The following SLC39A11 variants were observed in gnomAD, a reference collection of about 807,000 sequenced individuals.
SLC39A11 encodes zinc transporter ZIP11.
Under a neutral mutation model 36.1 loss-of-function variants are expected in SLC39A11, and 33 were observed. The ratio of observed to expected loss-of-function variants is 0.91; its 90% CI spans 0.69 to 1.22. SLC39A11 has a LOEUF of 1.22. Ranked by LOEUF, SLC39A11 falls within the 50% of genes most tolerant of loss-of-function variation. The pLI, the probability that SLC39A11 is intolerant of heterozygous loss-of-function variation, is 0.00. For synonymous variants in SLC39A11, 166 were observed against 170.3 expected, an observed-to-expected ratio of 0.97 and a Z score of 0.20; for missense variants, 432 against 430.3, an observed-to-expected ratio of 1.00 and a Z score of -0.03.
intron 6 of SLC39A11, among the ~76,000 whole-genome samples, chr17:72,750,788 GA>G (rs11315545): frequency 0.37 from 54,465 of 148,944 alleles, 11,851 homozygotes; most frequent in Non-Finnish European, 0.5. Flanking sequence ...GTTAATGGAG[GA>G]AAAAAAAAAA....
chr17:73,007,064 C>T (rs776105025), intron 4 of SLC39A11, among the ~76,000 whole-genome samples: 6 of 152,298 alleles, frequency 3.9e-5, no homozygotes, highest in Admixed American at 6.5e-5. Flanking sequence ...AGCCCATCAG[C>T]GACATGGGCA....
rs1331874246 is a variant in SLC39A11 at position 73,008,161 on chromosome 17, TTTTG to T, written c.306+23391_306+23394del. Among the ~76,000 whole-genome samples the T allele has an allele frequency of 6.0e-3, 465 of 77,892 alleles. 8 individuals are homozygous for T. Among genetic ancestry groups the T allele is most frequent in the Non-Finnish European group, 9.9e-3 (237 of 24,022 alleles). 51.1% of individuals were successfully genotyped at this position (77,892 alleles called of 152,430 possible). ...TTGTTGTTGGGGTTTGTTGTTTTTT[TTTTG>T]TTTTTTTTTTTTTGAGATGGGGTCT... is the stretch of plus-strand genomic sequence containing the variant. On this transcript the variant is annotated intron_variant, in intron 4 of 9. Coordinates refer to ENST00000255559, the MANE Select transcript of SLC39A11 (RefSeq NM_139177.4).
chr17:72,796,387 T>A (rs1196759422), intron 6 of SLC39A11, among the ~76,000 whole-genome samples: 2 of 152,060 alleles, frequency 1.3e-5, no homozygotes, highest in South Asian at 4.1e-4. Context: ...TCACTCTATA[T>A]GCATGAGAAG....
chr17:72,904,605 G>T lies in SLC39A11; in HGVS notation c.430+43147C>A, dbSNP rs112217641. On this transcript the variant is annotated intron_variant, in intron 5 of 9. Coordinates refer to ENST00000255559, the MANE Select transcript of SLC39A11 (RefSeq NM_139177.4). ...AGGTCCCAGAGCACCCCAGGCCTTT[G>T]CCACTGAAGGAATCCTGAGTTGGCC... Among the ~76,000 whole-genome samples the T allele has an allele frequency of 1.6e-4, 25 of 152,304 alleles. 1 individual carries two copies. The highest frequency in any genetic ancestry group is 5.8e-4 in the African/African-American group (24 of 41,558).
intron 3 of SLC39A11, among the ~76,000 whole-genome samples, chr17:73,039,994 C>T (rs1045784104): frequency 2.0e-5 from 3 of 152,086 alleles, no homozygotes; most frequent in Non-Finnish European, 4.4e-5. Context: ...TTTAAGTTAC[C>T]ACCTCCCCCA....
chr17:73,027,136 A>C (rs2058584611), intron 4 of SLC39A11, among the ~76,000 whole-genome samples: 1 of 152,182 alleles, frequency 6.6e-6, no homozygotes, highest in South Asian at 2.1e-4. Flanking sequence ...AATAACAATA[A>C]TAAACTGAAG....
chr17:72,887,319 C>T lies in SLC39A11; in HGVS notation c.431-37515G>A, dbSNP rs181807694. ...TCCTCCAGTCTGTATCAGAAAGGGG[C>T]TATGCAACAGGACAGAGAAAGTGCA... On this transcript the variant is annotated intron_variant, in intron 5 of 9. Transcript: ENST00000255559. 1.4e-4 allele frequency among the ~76,000 whole-genome samples: 21 copies of T among 152,334 alleles called. No individual in the cohort carries two copies. The East Asian group carries it at 2.9e-3, about 21-fold the overall frequency.
chr17:72,964,707 A>T (rs2086843013), intron 4 of SLC39A11, among the ~76,000 whole-genome samples: 1 of 152,188 alleles, frequency 6.6e-6, no homozygotes. Context: ...TTACTCAGGG[A>T]TCTAGAACTA....
intron 6 of SLC39A11, among the ~76,000 whole-genome samples, chr17:72,771,342 C>A (rs543525834): frequency 1.5e-5 from 2 of 136,908 alleles, no homozygotes; most frequent in African/African-American, 2.8e-5. Context: ...GGCAACAGAG[C>A]GAGACCCTAT....
chr17:72,829,926 T>C (rs1356904868), intron 6 of SLC39A11, among the ~76,000 whole-genome samples: 2 of 151,934 alleles, frequency 1.3e-5, no homozygotes, highest in African/African-American at 4.8e-5. Flanking sequence ...GTTCAGGAAG[T>C]TGACCTAGGG....
intron 5 of SLC39A11, among the ~76,000 whole-genome samples, chr17:72,871,496 C>T (rs1335977397): frequency 6.6e-6 from 1 of 152,134 alleles, no homozygotes; most frequent in African/African-American, 2.4e-5. Context: ...GCCCCACACC[C>T]AAACCTGGCC....
At position 73,092,668 on chromosome 17, in the gene SLC39A11, G is replaced by A. The variant is rs762161747; in HGVS notation, c.-69C>T. 6.5e-6 allele frequency: 1 copy of A among 152,982 alleles called. No homozygotes were observed. Among genetic ancestry groups the A allele is most frequent in the East Asian group, 1.9e-4 (1 of 5,180 alleles). The allele number at this position is 152,982 out of a possible 1,614,324, so 9.5% of individuals were successfully genotyped here. On this transcript the variant is annotated 5_prime_UTR_variant, in exon 1 of 10. Transcript: ENST00000255559. ...CATCAGCCCCCGCTGCCACTCTCTC[G>A]CCGGCTCCACTCCCGCAGTCACTTC...
intron 6 of SLC39A11, among the ~76,000 whole-genome samples, chr17:72,754,045 T>TATATATATAC (rs1491202409): frequency 9.4e-5 from 5 of 53,270 alleles, no homozygotes; most frequent in African/African-American, 3.0e-4. Context: ...TATATATATA[T>TATATATATAC]ACACATACAC....
chr17:72,747,201 G>A (rs1053443307), intron 6 of SLC39A11, among the ~76,000 whole-genome samples: 3 of 152,124 alleles, frequency 2.0e-5, no homozygotes, highest in Admixed American at 6.6e-5. Context: ...ATTTCCATTT[G>A]AGACAGAATC....
Position 72,743,193 on chromosome 17 carries a change from T to G in SLC39A11, c.602-6474A>C, listed in dbSNP as rs189313082. On this transcript the variant is annotated intron_variant, in intron 6 of 9. Transcript: ENST00000255559. ...AAGGGCCTGCCCTAGGTGACCCAGC[T>G]GGGGGGGCTAGAGCTGGGCCGTAAA... Among the ~76,000 whole-genome samples the G allele has an allele frequency of 6.1e-3, 934 of 152,176 alleles. 32 individuals are homozygous for G. The East Asian group carries it at 0.081, about 13-fold the overall frequency.
At chr17:72,679,129 A>T (rs927182824) in intron 7 of SLC39A11, among the ~76,000 whole-genome samples, 4 of 152,166 alleles carry the variant, frequency 2.6e-5, no homozygotes, top group Non-Finnish European at 5.9e-5. Flanking sequence ...GGAAGAGAGG[A>T]GAAGAGTGAT....
In SLC39A11 at chr17:73,051,691, CTACAAAAAA is replaced by C. The variant is rs1175874041; in HGVS notation, c.148-19986_148-19978del. Among the ~76,000 whole-genome samples the C allele has an allele frequency of 8.8e-3, 121 of 13,678 alleles. 1 individual carries two copies. Among genetic ancestry groups the C allele is most frequent in the Non-Finnish European group, 0.016 (102 of 6,302 alleles). The allele number at this position is 13,678 out of a possible 152,430, so 9.0% of individuals were successfully genotyped here. On this transcript the variant is annotated intron_variant, in intron 3 of 9. Coordinates refer to ENST00000255559, the MANE Select transcript of SLC39A11 (RefSeq NM_139177.4). The stretch of plus-strand genomic sequence containing the variant: ...CGGCCAACATGGTGAAACCCTGTGT[CTACAAAAAA>C]TACAAAAATTAGCCAGGTGTGGTGG...
chr17:72,654,042 TG>T (rs2069991147), intron 7 of SLC39A11, among the ~76,000 whole-genome samples: 1 of 152,178 alleles, frequency 6.6e-6, no homozygotes. Flanking sequence ...TGCGTGTGTG[TG>T]CGGAAGGGTG....
At chr17:73,087,581 TG>T (rs1204652893) in intron 2 of SLC39A11, among the ~76,000 whole-genome samples, 1 of 151,992 alleles carries the variant, frequency 6.6e-6, no homozygotes, top group Non-Finnish European at 1.5e-5. Context: ...TTCAGGTATA[TG>T]AGGTGAGTGT....
Sources: gnomAD v4.1 joint callset for allele counts (sites outside exome capture counted in the v4.1 genomes callset) on GRCh38, gnomAD v4.1.1 for gene constraint, MANE v1.5 for transcripts, NCBI Gene and HGNC (gene_info 2026-07-23, HGNC 2026-07-21) for gene names.